Variants in SLTM observed in about 807,000 individuals in gnomAD.
The protein encoded by SLTM is SAFB-like transcription modulator.
In SLTM, 43 loss-of-function variants were observed where a neutral mutation model predicts 134.6. The observed-to-expected ratio is 0.32, with a 90% confidence interval of 0.25 to 0.41. The LOEUF (loss-of-function observed/expected upper bound fraction) is 0.41. Ranked by LOEUF, SLTM falls within the 10% of genes least tolerant of loss-of-function variation. The pLI is 1.00. For missense variants in SLTM, 1,055 were observed against 1,288.8 expected, an observed-to-expected ratio of 0.82 and a Z score of 2.78; for synonymous variants, 424 against 432.3, an observed-to-expected ratio of 0.98 and a Z score of 0.24.
chr15:58,928,853 G>A (rs776504750), intron 2 of SLTM, among the ~76,000 whole-genome samples: 2 of 151,916 alleles, frequency 1.3e-5, no homozygotes, highest in Non-Finnish European at 2.9e-5. Context: ...CCCCTTCTTG[G>A]CACTTTTCGT....
chr15:58,880,125 G>GAA lies in SLTM; in HGVS notation c.2997-20_2997-19dup. The stretch of plus-strand genomic sequence containing the variant: ...ATGCGTTACTGAAAAAGGTTTAAAA[G>GAA]AAAAAAACATCAGAGAACAAAGAAC... On this transcript the variant is annotated intron_variant, in intron 20 of 20. Transcript: ENST00000380516. 1 of 1,605,542 alleles carries GAA rather than the reference G, an allele frequency of 6.2e-7. No homozygotes were observed. The highest frequency in any genetic ancestry group is 8.5e-7 in the Non-Finnish European group (1 of 1,176,356).
chr15:58,895,031 T>C (rs1332833822), intron 9 of SLTM, among the ~76,000 whole-genome samples: 1 of 152,196 alleles, frequency 6.6e-6, no homozygotes, highest in Non-Finnish European at 1.5e-5. Flanking sequence ...GATCACCATC[T>C]ACGTTACCCA....
intron 20 of SLTM, among the ~76,000 whole-genome samples, chr15:58,881,883 C>T (rs2033741955): frequency 6.6e-6 from 1 of 151,876 alleles, no homozygotes; most frequent in Non-Finnish European, 1.5e-5. Context: ...AGGCATGAGC[C>T]ACTGTGCCCA....
chr15:58,901,768 A>G (rs952053492), intron 5 of SLTM, among the ~76,000 whole-genome samples: 9 of 152,308 alleles, frequency 5.9e-5, no homozygotes, highest in South Asian at 4.1e-4. Context: ...CCCTTTAAGT[A>G]TATCAGACAT....
rs139852972 is a variant in SLTM, at chr15:58,897,215, C to G, written c.1127G>C (p.Ser376Thr). ...KDDKGSTSST[S>T]GSSGSSTKNI... ...TTTAGTTGAGCTTCCACTGCTACCA[C>G]TAGTACTACTTGTACTTCCTAGAAT... Residue 376 changes from serine (S) to threonine (T), a missense_variant, in exon 9 of 21, where the codon AGT becomes ACT. This residue lies in a region of SLTM where 776 missense variants were observed against 962.2 expected (regional missense o/e 0.81). Transcript: ENST00000380516. 2.5e-6 allele frequency: 4 copies of G among 1,599,044 alleles called. No individual in the cohort carries two copies. The highest frequency in any genetic ancestry group is 1.3e-5 in the African/African-American group (1 of 74,728).
rs1369229263 is a variant in SLTM at position 58,916,915 on chromosome 15, C to A, written c.315+20G>T. 6.2e-7 allele frequency: 1 copy of A among 1,608,184 alleles called. No homozygotes were observed. The highest frequency in any genetic ancestry group is 8.5e-7 in the Non-Finnish European group (1 of 1,175,268). The stretch of plus-strand genomic sequence containing the variant: ...CTAGGCTTAAAATAAGCATCTTAAC[C>A]TGAGTAATTAACACTTTACCTTGAT... On this transcript the variant is annotated intron_variant, in intron 3 of 20. Coordinates refer to ENST00000380516, the MANE Select transcript of SLTM (RefSeq NM_024755.4).
At chr15:58,919,778 A>G (rs1252413518) in intron 2 of SLTM, among the ~76,000 whole-genome samples, 2 of 152,172 alleles carry the variant, frequency 1.3e-5, no homozygotes, top group East Asian at 3.8e-4. Context: ...ATAATTTGCA[A>G]AGCACTTAAA....
Position 58,888,517 on chromosome 15 carries a change from GACA to G in SLTM, c.2240_2242del (p.Leu747del). 6.2e-7 allele frequency: 1 copy of G among 1,614,012 alleles called. No homozygotes were observed. The highest frequency in any genetic ancestry group is 8.5e-7 in the Non-Finnish European group (1 of 1,180,008). On this transcript the variant is annotated inframe_deletion, in exon 17 of 21. Transcript: ENST00000380516. ...GCCAAATCGTGCATCTGTATCTAGA[GACA>G]ACTTTTTATTCTCGCTCCAGTAAGG... is the stretch of plus-strand genomic sequence containing the variant.
chr15:58,898,483 T>G (rs185351827), intron 8 of SLTM: 1 of 189,508 alleles, frequency 5.3e-6, no homozygotes, highest in Non-Finnish European at 1.1e-5. Flanking sequence ...TAACAAAAGA[T>G]AAAATAGTTC....
chr15:58,924,571 A>T (rs2037329659), intron 2 of SLTM, among the ~76,000 whole-genome samples: 1 of 152,216 alleles, frequency 6.6e-6, no homozygotes, highest in Non-Finnish European at 1.5e-5. Context: ...ATCAAATGGG[A>T]TAAGTCAAGA....
chr15:58,902,005 T>C (rs758522434), intron 5 of SLTM, among the ~76,000 whole-genome samples: 1 of 152,204 alleles, frequency 6.6e-6, no homozygotes, highest in Non-Finnish European at 1.5e-5. Context: ...TTTTAAAATA[T>C]GACTTTAATT....
At chr15:58,895,276 TATA>T (rs758551436) in intron 9 of SLTM, among the ~76,000 whole-genome samples, 7 of 152,226 alleles carry the variant, frequency 4.6e-5, no homozygotes, top group Non-Finnish European at 5.9e-5. Context: ...AACACTTTTC[TATA>T]ATGAGTAAAG....
intron 9 of SLTM, 121 bp from the exon 10 acceptor site, chr15:58,894,703 A>ATTT: frequency 1.1e-4 from 72 of 678,430 alleles, no homozygotes; most frequent in Non-Finnish European, 1.3e-4. Flanking sequence ...ATTCTGTCTC[A>ATTT]TGTTTTTTTT....
chr15:58,919,623 C>T (rs1470968725), intron 2 of SLTM, among the ~76,000 whole-genome samples: 2 of 152,074 alleles, frequency 1.3e-5, no homozygotes, highest in Non-Finnish European at 2.9e-5. Context: ...GAGCGAGACC[C>T]TACCTCAGAA....
At chr15:58,895,890 G>A (rs2035042419) in intron 9 of SLTM, among the ~76,000 whole-genome samples, 1 of 152,056 alleles carries the variant, frequency 6.6e-6, no homozygotes, top group Non-Finnish European at 1.5e-5. Context: ...GACAGGTTTT[G>A]GTAATATTAA....
At chr15:58,907,067 A>T (rs374626266) in intron 5 of SLTM, among the ~76,000 whole-genome samples, 1 of 152,216 alleles carries the variant, frequency 6.6e-6, no homozygotes, top group Non-Finnish European at 1.5e-5. Context: ...TATAAGATAT[A>T]TCAAGGATTG....
chr15:58,926,950 T>G (rs1409689470), intron 2 of SLTM, among the ~76,000 whole-genome samples: 1 of 152,078 alleles, frequency 6.6e-6, no homozygotes, highest in Non-Finnish European at 1.5e-5. Context: ...AGGGCTAATT[T>G]TGTGAAATGA....
chr15:58,920,868 T>A (rs1411503202), intron 2 of SLTM, among the ~76,000 whole-genome samples: 4 of 151,874 alleles, frequency 2.6e-5, no homozygotes, highest in African/African-American at 9.7e-5. Context: ...GGCAGAATAA[T>A]CCTTTGAACC....
At chr15:58,922,613 TATTA>T (rs2037170399) in intron 2 of SLTM, among the ~76,000 whole-genome samples, 1 of 142,302 alleles carries the variant, frequency 7.0e-6, no homozygotes, top group Non-Finnish European at 1.5e-5. Flanking sequence ...GTATAAAATA[TATTA>T]TATACATGTA....
Sources: gnomAD v4.1 joint callset for allele counts (sites outside exome capture counted in the v4.1 genomes callset) on GRCh38, gnomAD v4.1.1 for gene constraint, gnomAD v4.1.1 regional missense constraint, MANE v1.5 for transcripts, NCBI Gene and HGNC (gene_info 2026-07-23, HGNC 2026-07-21) for gene names.